METTL15: variants seen among roughly 807,000 people sequenced by gnomAD.
METTL15 encodes 12S rRNA N(4)-cytidine methyltransferase METTL15.
Under a neutral mutation model 38.3 loss-of-function variants are expected in METTL15, and 34 were observed. The ratio of observed to expected loss-of-function variants is 0.89; its 90% CI spans 0.68 to 1.18. The LOEUF is 1.18. METTL15 is among the 50% of genes most tolerant of loss of function. The probability of loss-of-function intolerance (pLI) is 0.00; values close to 1 mark genes in which losing one functional copy is unlikely to be tolerated. For synonymous variants in METTL15, 162 were observed against 170.9 expected, an observed-to-expected ratio of 0.95 and a Z score of 0.41; for missense variants, 438 against 498.4, an observed-to-expected ratio of 0.88 and a Z score of 1.15.
At chr11:28,391,918 G>C (rs1309986643) in intron 5 of METTL15, among the ~76,000 whole-genome samples, 1 of 152,170 alleles carries the variant, frequency 6.6e-6, no homozygotes, top group East Asian at 1.9e-4. Context: ...AGGACTTCAT[G>C]TCTAAAATAC....
At chr11:28,163,036 A>C (rs968233073) in intron 3 of METTL15, among the ~76,000 whole-genome samples, 4 of 152,140 alleles carry the variant, frequency 2.6e-5, no homozygotes, top group African/African-American at 9.6e-5. Flanking sequence ...ATCAGAAATA[A>C]GCAATCTAAT....
rs1451873616 is a variant in METTL15, at chr11:28,389,472, A to T, written c.*358+27436A>T. On this transcript the variant is annotated intron_variant and NMD_transcript_variant, in intron 5 of 7. Coordinates refer to the METTL15 transcript ENST00000532947. Reference sequence around the variant, plus strand: ...GTTCAATTCTCATCTATGAGTGAGAACATGCGGTGTTTGATTTTTTGTCCT... The same window carrying T: ...GTTCAATTCTCATCTATGAGTGAGATCATGCGGTGTTTGATTTTTTGTCCT... 3.4e-5 allele frequency among the ~76,000 whole-genome samples: 5 copies of T among 146,500 alleles called. No individual in the cohort carries two copies. In the Admixed American group the frequency reaches 3.5e-4, roughly 10 times the overall value.
At chr11:28,208,147 G>A (rs1038407973) in intron 3 of METTL15, among the ~76,000 whole-genome samples, 3 of 151,998 alleles carry the variant, frequency 2.0e-5, no homozygotes, top group Non-Finnish European at 4.4e-5. Flanking sequence ...CTTGCCTTCT[G>A]CTAACTTTTG....
intron 4 of METTL15, among the ~76,000 whole-genome samples, chr11:28,242,883 T>A (rs141063801): frequency 2.6e-5 from 4 of 152,288 alleles, no homozygotes; most frequent in African/African-American, 9.6e-5. Flanking sequence ...CCAAATTTTT[T>A]ACATTGTCTT....
At chr11:28,484,402 T>C (rs1465371476) in intron 6 of METTL15, among the ~76,000 whole-genome samples, 1 of 152,172 alleles carries the variant, frequency 6.6e-6, no homozygotes, top group African/African-American at 2.4e-5. Context: ...ACTGCCCTGA[T>C]GTCACCCGAT....
intron 6 of METTL15, among the ~76,000 whole-genome samples, chr11:28,437,320 A>G (rs1397186359): frequency 2.0e-5 from 3 of 152,218 alleles, no homozygotes; most frequent in African/African-American, 7.2e-5. Flanking sequence ...CTTTCCCTCT[A>G]GAGAACCCTA....
intron 4 of METTL15, among the ~76,000 whole-genome samples, chr11:28,218,793 C>G (rs971475915): frequency 8.6e-5 from 13 of 151,980 alleles, no homozygotes; most frequent in Admixed American, 8.5e-4. Context: ...TTTCAAAGGC[C>G]TTTTCTGCAT....
intron 4 of METTL15, among the ~76,000 whole-genome samples, chr11:28,288,980 C>T (rs1446774559): frequency 6.6e-6 from 1 of 152,088 alleles, no homozygotes; most frequent in East Asian, 1.9e-4. Flanking sequence ...TTTCTGTCCA[C>T]TTACACAGCA....
intron 4 of METTL15, among the ~76,000 whole-genome samples, chr11:28,289,875 C>A (rs1469843978): frequency 6.6e-6 from 1 of 151,772 alleles, no homozygotes; most frequent in African/African-American, 2.4e-5. Flanking sequence ...TTTTCTCTAC[C>A]CAGAGATTTA....
At chr11:28,176,699 A>G (rs1851088762) in intron 3 of METTL15, among the ~76,000 whole-genome samples, 1 of 152,054 alleles carries the variant, frequency 6.6e-6, no homozygotes, top group African/African-American at 2.4e-5. Flanking sequence ...GGCCAAGTGG[A>G]CTTGGCTAAC....
rs201696593 is a variant in METTL15 at position 28,109,444 on chromosome 11, T to G, written c.-253-722T>G. On this transcript the variant is annotated intron_variant, in intron 1 of 6. Transcript: ENST00000407364. ...AGTCCCTTTACATATGGTCTCTCAG[T>G]TAATTCTCAAAACAGCCCATGAGAC... 1.1e-4 allele frequency among the ~76,000 whole-genome samples: 17 copies of G among 152,334 alleles called. No homozygotes were observed. The East Asian group carries it at 3.3e-3, about 29-fold the overall frequency.
At chr11:28,378,124 G>A (rs1013828018) in intron 5 of METTL15, among the ~76,000 whole-genome samples, 15 of 152,082 alleles carry the variant, frequency 9.9e-5, no homozygotes, top group Non-Finnish European at 1.6e-4. Flanking sequence ...TCTGTGCCCT[G>A]CCCCCAGAGG....
At chr11:28,142,244 TA>T (rs1359667302) in intron 3 of METTL15, among the ~76,000 whole-genome samples, 1 of 152,162 alleles carries the variant, frequency 6.6e-6, no homozygotes, top group Non-Finnish European at 1.5e-5. Flanking sequence ...ATTGGTTTTA[TA>T]GATAGAAAAG....
intron 3 of METTL15, among the ~76,000 whole-genome samples, chr11:28,119,492 C>G (rs1221971207): frequency 6.6e-6 from 1 of 152,082 alleles, no homozygotes; most frequent in Non-Finnish European, 1.5e-5. Flanking sequence ...AGTAACTGAT[C>G]TGAAAAAACA....
intron 4 of METTL15, among the ~76,000 whole-genome samples, chr11:28,228,358 C>T (rs1461721299): frequency 6.6e-6 from 1 of 151,834 alleles, no homozygotes; most frequent in Non-Finnish European, 1.5e-5. Flanking sequence ...GTTACTTAAC[C>T]ACTCTGCTAC....
chr11:28,530,347 A>G (rs1447263562), downstream of METTL15, among the ~76,000 whole-genome samples: 1 of 152,178 alleles, frequency 6.6e-6, no homozygotes, highest in African/African-American at 2.4e-5. Context: ...TTCAGACTCT[A>G]TCTTCTCTGT....
intron 5 of METTL15, among the ~76,000 whole-genome samples, chr11:28,415,812 G>A (rs749040617): frequency 1.3e-5 from 2 of 152,146 alleles, no homozygotes; most frequent in Non-Finnish European, 2.9e-5. Context: ...GATTCTTGAT[G>A]TTAGAAAATA....
chr11:28,187,479 G>C (rs139220842), intron 3 of METTL15, among the ~76,000 whole-genome samples: 11 of 149,112 alleles, frequency 7.4e-5, no homozygotes, highest in African/African-American at 2.5e-4. Context: ...AGGGGAAAGC[G>C]TATTGGACAG....
At chr11:28,299,692 C>T (rs1459543083) in intron 6 of METTL15, among the ~76,000 whole-genome samples, 4 of 152,104 alleles carry the variant, frequency 2.6e-5, no homozygotes, top group Non-Finnish European at 4.4e-5. Context: ...TGGAAGGGCA[C>T]AAGTTCCTGT....
Sources: gnomAD v4.1 joint callset for allele counts (sites outside exome capture counted in the v4.1 genomes callset) on GRCh38, gnomAD v4.1.1 for gene constraint, MANE v1.5 for transcripts, NCBI Gene and HGNC (gene_info 2026-07-23, HGNC 2026-07-21) for gene names.